The following PLEKHA7 variants were observed in gnomAD, a reference collection of about 807,000 sequenced individuals.
The protein encoded by PLEKHA7 is pleckstrin homology domain-containing family A member 7.
A neutral mutation model predicts 170.0 loss-of-function variants in PLEKHA7; 104 were observed. The ratio of observed to expected loss-of-function variants is 0.61; its 90% CI spans 0.52 to 0.72. PLEKHA7 has a LOEUF of 0.72. Ranked by LOEUF, PLEKHA7 falls within the 30% of genes least tolerant of loss-of-function variation. PLEKHA7 has a pLI of 0.00. For synonymous variants in PLEKHA7, 648 were observed against 660.8 expected (o/e 0.98, Z 0.30); for missense variants, 1,615 against 1,671.7 (o/e 0.97, Z 0.59).
intron 3 of PLEKHA7, among the ~76,000 whole-genome samples, chr11:16,934,011 C>T (rs1860120039): frequency 6.6e-6 from 1 of 152,216 alleles, no homozygotes; most frequent in Non-Finnish European, 1.5e-5. Context: ...TTCAGGATGA[C>T]CTCCAGCAAA....
chr11:16,880,936 CCA>C (rs1855660634), intron 3 of PLEKHA7, among the ~76,000 whole-genome samples: 1 of 152,114 alleles, frequency 6.6e-6, no homozygotes. Context: ...AGACTGTCAT[CCA>C]CAGAGCTACA....
chr11:16,947,292 A>T (rs1861089765), intron 3 of PLEKHA7, among the ~76,000 whole-genome samples: 1 of 152,198 alleles, frequency 6.6e-6, no homozygotes, highest in African/African-American at 2.4e-5. Context: ...GAGGCTCCTC[A>T]AAAAATTAAA....
chr11:16,960,782 C>G (rs1862011646), intron 3 of PLEKHA7, among the ~76,000 whole-genome samples: 1 of 152,158 alleles, frequency 6.6e-6, no homozygotes, highest in African/African-American at 2.4e-5. Flanking sequence ...CTGAGGCCTC[C>G]CAATGCCTTA....
intron 3 of PLEKHA7, among the ~76,000 whole-genome samples, chr11:16,893,724 T>C (rs1856822625): frequency 6.6e-6 from 1 of 152,122 alleles, no homozygotes; most frequent in African/African-American, 2.4e-5. Context: ...AATCCTGACA[T>C]GTAGCGCTTA....
At chr11:16,836,912 C>T (rs2135172968) in intron 9 of PLEKHA7, among the ~76,000 whole-genome samples, 1 of 152,128 alleles carries the variant, frequency 6.6e-6, no homozygotes, top group East Asian at 1.9e-4. Flanking sequence ...AAACCTCTGC[C>T]TCCTGAGTTC....
At chr11:16,878,918 C>T (rs1855505283) in intron 3 of PLEKHA7, among the ~76,000 whole-genome samples, 1 of 152,178 alleles carries the variant, frequency 6.6e-6, no homozygotes, top group African/African-American at 2.4e-5. Context: ...ACACTTCATC[C>T]TTGGCTCTCC....
chr11:16,938,914 C>A (rs1450720049), intron 3 of PLEKHA7, among the ~76,000 whole-genome samples: 1 of 152,128 alleles, frequency 6.6e-6, no homozygotes, highest in Non-Finnish European at 1.5e-5. Flanking sequence ...CTGGTCCTTG[C>A]TTGAATAAAG....
intron 3 of PLEKHA7, among the ~76,000 whole-genome samples, chr11:16,889,106 C>CT (rs1262950288): frequency 2.6e-5 from 4 of 151,550 alleles, no homozygotes; most frequent in African/African-American, 4.8e-5. Context: ...CAGCCAGTTC[C>CT]TGCCTTAACT....
intron 3 of PLEKHA7, chr11:16,974,837 CT>C: frequency 1.3e-6 from 1 of 793,572 alleles, no homozygotes; most frequent in Non-Finnish European, 1.6e-6. Flanking sequence ...TAGTTTTAGC[CT>C]TTTTCCGGAA....
At chr11:16,869,781 C>A (rs1854681933) in intron 4 of PLEKHA7, among the ~76,000 whole-genome samples, 1 of 151,650 alleles carries the variant, frequency 6.6e-6, no homozygotes, top group African/African-American at 2.4e-5. Flanking sequence ...AATTTTTTTC[C>A]ATAATAAAAA....
At chr11:16,830,178 C>A (rs966296346) in intron 9 of PLEKHA7, among the ~76,000 whole-genome samples, 4 of 151,570 alleles carry the variant, frequency 2.6e-5, no homozygotes, top group Non-Finnish European at 4.4e-5. Context: ...GAGACAAGGT[C>A]TTTCTTTGTT....
chr11:16,993,914 C>A (rs971801148), intron 3 of PLEKHA7, among the ~76,000 whole-genome samples: 1 of 152,168 alleles, frequency 6.6e-6, no homozygotes, highest in Non-Finnish European at 1.5e-5. Context: ...GGGGAGGAAA[C>A]AAGGAGGTGC....
At chr11:16,990,267 C>A (rs571915915) in intron 3 of PLEKHA7, among the ~76,000 whole-genome samples, 2 of 58,878 alleles carry the variant, frequency 3.4e-5, no homozygotes, top group African/African-American at 8.6e-5. Context: ...GAGCAAGACC[C>A]TGTCTCAAAA....
chr11:16,987,001 C>A (rs1290063285), intron 3 of PLEKHA7, among the ~76,000 whole-genome samples: 2 of 152,196 alleles, frequency 1.3e-5, no homozygotes, highest in Non-Finnish European at 2.9e-5. Context: ...CCAGCCCAAC[C>A]CAGCCCAGGG....
At chr11:17,002,447 C>T (rs568209496) in intron 3 of PLEKHA7, among the ~76,000 whole-genome samples, 1 of 151,874 alleles carries the variant, frequency 6.6e-6, no homozygotes, top group South Asian at 2.1e-4. Flanking sequence ...ATGATGAGAG[C>T]CACAAGGCAC....
At chr11:16,900,022 A>C (rs1857231994) in intron 3 of PLEKHA7, among the ~76,000 whole-genome samples, 2 of 152,148 alleles carry the variant, frequency 1.3e-5, no homozygotes, top group African/African-American at 2.4e-5. Flanking sequence ...GCTGCTCCTC[A>C]TCTCTCTCCC....
intron 3 of PLEKHA7, among the ~76,000 whole-genome samples, chr11:16,922,934 T>C (rs1859204712): frequency 6.6e-6 from 1 of 152,298 alleles, no homozygotes; most frequent in South Asian, 2.1e-4. Flanking sequence ...CTCCATCCAG[T>C]GCAGACATTA....
intron 3 of PLEKHA7, among the ~76,000 whole-genome samples, chr11:16,935,739 G>A (rs1244077374): frequency 1.3e-5 from 2 of 152,176 alleles, no homozygotes; most frequent in East Asian, 3.9e-4. Context: ...CAATTATTCA[G>A]ATCCCCATGT....
intron 3 of PLEKHA7, among the ~76,000 whole-genome samples, chr11:17,002,429 A>C (rs1864720920): frequency 6.6e-6 from 1 of 151,980 alleles, no homozygotes; most frequent in African/African-American, 2.4e-5. Flanking sequence ...AAAGGAACAG[A>C]AAGAGTGATG....
Sources: allele counts gnomAD v4.1 joint callset (sites outside exome capture counted in the v4.1 genomes callset), GRCh38; gene constraint gnomAD v4.1.1; transcripts MANE v1.5; gene names NCBI Gene and HGNC (gene_info 2026-07-23, HGNC 2026-07-21).